Variants in RHOBTB1 observed in about 807,000 individuals in gnomAD.
RHOBTB1 encodes Rho related BTB domain containing 1, also known as rho-related BTB domain-containing protein 1.
Under a neutral mutation model 71.6 loss-of-function variants are expected in RHOBTB1, and 40 were observed. The observed-to-expected ratio is 0.56, with a 90% CI of 0.43 to 0.73. The LOEUF (loss-of-function observed/expected upper bound fraction) is 0.73. Ranked by LOEUF, RHOBTB1 falls within the 30% of genes least tolerant of loss-of-function variation. The pLI, the probability that RHOBTB1 is intolerant of heterozygous loss-of-function variation, is 0.00. For synonymous variants in RHOBTB1, 319 were observed against 334.9 expected, an observed-to-expected ratio of 0.95 and a Z score of 0.52; for missense variants, 797 against 894.0, an observed-to-expected ratio of 0.89 and a Z score of 1.38.
At chr10:60,874,170 A>G (rs1023278054) in intron 9 of RHOBTB1, among the ~76,000 whole-genome samples, 1 of 152,208 alleles carries the variant, frequency 6.6e-6, no homozygotes, top group Admixed American at 6.5e-5. Flanking sequence ...AGCCAAACCC[A>G]ACAGGCCGAA....
intron 2 of RHOBTB1, among the ~76,000 whole-genome samples, chr10:60,961,142 T>C (rs992489131): frequency 9.2e-5 from 14 of 152,120 alleles, no homozygotes; most frequent in African/African-American, 3.4e-4. Context: ...GTGACTTCAG[T>C]TGGTCTTCTG....
intron 7 of RHOBTB1, among the ~76,000 whole-genome samples, chr10:60,882,672 A>G (rs1289041986): frequency 6.6e-6 from 1 of 152,120 alleles, no homozygotes; most frequent in African/African-American, 2.4e-5. Flanking sequence ...GATAATAGAA[A>G]GTTAAAAGGT....
chr10:60,976,087 T>C (rs1382056074), intron 2 of RHOBTB1, among the ~76,000 whole-genome samples: 4 of 152,004 alleles, frequency 2.6e-5, no homozygotes, highest in African/African-American at 9.7e-5. Flanking sequence ...AGCTGCAATA[T>C]GGGTCAAATA....
At chr10:60,935,468 A>G (rs1038347066) in intron 2 of RHOBTB1, among the ~76,000 whole-genome samples, 3 of 152,140 alleles carry the variant, frequency 2.0e-5, no homozygotes, top group African/African-American at 7.2e-5. Context: ...AATATAAGAT[A>G]TACTTCAATA....
intron 2 of RHOBTB1, among the ~76,000 whole-genome samples, chr10:60,939,368 G>A (rs539870438): frequency 1.3e-5 from 2 of 152,198 alleles, no homozygotes; most frequent in African/African-American, 4.8e-5. Flanking sequence ...GAGGAAGTGG[G>A]TTCTATTTGT....
At chr10:60,887,722 C>T (rs1471118554) in intron 6 of RHOBTB1, among the ~76,000 whole-genome samples, 1 of 152,142 alleles carries the variant, frequency 6.6e-6, no homozygotes, top group Admixed American at 6.5e-5. Context: ...CTTTAGTGGC[C>T]TCAGGACTTG....
chr10:60,925,268 A>G (rs553349341), intron 2 of RHOBTB1, among the ~76,000 whole-genome samples: 2 of 152,338 alleles, frequency 1.3e-5, no homozygotes, highest in African/African-American at 4.8e-5. Context: ...TTCTTTATAA[A>G]TTATTCAGTC....
At chr10:60,978,100 A>T (rs1272099748) in intron 2 of RHOBTB1, among the ~76,000 whole-genome samples, 1 of 152,214 alleles carries the variant, frequency 6.6e-6, no homozygotes, top group African/African-American at 2.4e-5. Context: ...ATGAACATTA[A>T]ATTAATAATA....
chr10:60,931,621 A>T (rs60136964), intron 2 of RHOBTB1, among the ~76,000 whole-genome samples: 1,887 of 152,274 alleles, frequency 0.012, 43 homozygotes, highest in African/African-American at 0.043. Context: ...ATAACCCTTG[A>T]TTTTCACTTC....
chr10:60,944,570 C>G (rs1050241969), upstream of RHOBTB1, among the ~76,000 whole-genome samples: 1 of 152,208 alleles, frequency 6.6e-6, no homozygotes. Context: ...CCCCGTACCC[C>G]TGCCCCAACA....
chr10:60,893,234 T>C lies in RHOBTB1; in HGVS notation c.297-239A>G, dbSNP rs139978214. Among the ~76,000 whole-genome samples the C allele has an allele frequency of 2.9e-3, 440 of 152,312 alleles. 1 individual carries two copies. The highest frequency in any genetic ancestry group is 9.7e-3 in the African/African-American group (401 of 41,550). Reference sequence around the variant, plus strand: ...TATTGCACTGCAGAATGCTGATGCATTGACGTTTCCGATGAAGTTATTTTA... The same window carrying C: ...TATTGCACTGCAGAATGCTGATGCACTGACGTTTCCGATGAAGTTATTTTA... On this transcript the variant is annotated intron_variant, in intron 4 of 10. Transcript: ENST00000337910.
At chr10:60,961,550 A>T (rs1339380085) in intron 2 of RHOBTB1, among the ~76,000 whole-genome samples, 3 of 152,178 alleles carry the variant, frequency 2.0e-5, no homozygotes, top group Admixed American at 6.5e-5. Flanking sequence ...ACATGGATCT[A>T]GATTCAGAAT....
At position 60,897,719 on chromosome 10, in the gene RHOBTB1, T is replaced by G. The variant is rs548899632; in HGVS notation, c.297-4724A>C. ...ATTACATACATATACATATAATTTT[T>G]TTTTTGAGATGGAGTCTTGCTCTGT... On this transcript the variant is annotated intron_variant, in intron 4 of 10. Transcript: ENST00000337910. 3.9e-5 allele frequency among the ~76,000 whole-genome samples: 6 copies of G among 152,140 alleles called. No individual in the cohort carries two copies. In the South Asian group the frequency reaches 6.2e-4, roughly 16 times the overall value.
In RHOBTB1 at chr10:60,901,837, T is replaced by A. The variant is rs116045534; in HGVS notation, c.297-8842A>T. On this transcript the variant is annotated intron_variant, in intron 4 of 10. Transcript: ENST00000337910. Reference sequence around the variant, plus strand: ...TACTGAACAATGCATATATTCCTTATTCTCTTTGCCCATTGCAGTGGCCTC... The same window carrying A: ...TACTGAACAATGCATATATTCCTTAATCTCTTTGCCCATTGCAGTGGCCTC... 5.4e-3 allele frequency among the ~76,000 whole-genome samples: 821 copies of A among 152,370 alleles called. 6 individuals carry two copies. The highest frequency in any genetic ancestry group is 0.019 in the African/African-American group (796 of 41,594).
At chr10:60,885,450 C>T (rs780830869) in intron 7 of RHOBTB1, among the ~76,000 whole-genome samples, 4 of 152,148 alleles carry the variant, frequency 2.6e-5, no homozygotes, top group Non-Finnish European at 5.9e-5. Context: ...ACCTAAGTAC[C>T]TTGAGAGGTG....
In RHOBTB1 at chr10:60,987,919, C is replaced by CTTTTTTTTTTT. The variant is rs71018937; in HGVS notation, c.-162-1985_-162-1975dup. On this transcript the variant is annotated intron_variant, in intron 1 of 11. Coordinates refer to the RHOBTB1 transcript ENST00000357917. ...GCTGTCTGCTGTCTGAAATACTCAACTTTTTTTTTTTTTTTTTTTTTTTTT... is the reference window on the plus strand; with the variant it reads ...GCTGTCTGCTGTCTGAAATACTCAACTTTTTTTTTTTTTTTTTTTTTTTTTTTTTTTTTTTT... Among the ~76,000 whole-genome samples, 57 of 53,734 alleles carry CTTTTTTTTTTT rather than the reference C, an allele frequency of 1.1e-3. 6 individuals are homozygous for CTTTTTTTTTTT. Among genetic ancestry groups the CTTTTTTTTTTT allele is most frequent in the African/African-American group, 3.9e-3 (54 of 13,758 alleles). 35.3% of individuals were successfully genotyped at this position (53,734 alleles called of 152,430 possible).
At chr10:60,907,433 T>C (rs955359044) in intron 4 of RHOBTB1, among the ~76,000 whole-genome samples, 1 of 152,206 alleles carries the variant, frequency 6.6e-6, no homozygotes, top group Non-Finnish European at 1.5e-5. Context: ...TTACTATGTA[T>C]GGTTTTGTTC....
intron 1 of RHOBTB1, among the ~76,000 whole-genome samples, chr10:60,996,881 C>T (rs938183330): frequency 6.6e-6 from 1 of 152,150 alleles, no homozygotes; most frequent in Non-Finnish European, 1.5e-5. Context: ...GGATATTAAT[C>T]TTATCTCTCA....
chr10:60,863,932 TCGTA>T, the RHOBTB1 span, among the ~76,000 whole-genome samples: 1 of 151,406 alleles, frequency 6.6e-6, no homozygotes, highest in Non-Finnish European at 1.5e-5. Flanking sequence ...GCAGGACTCC[TCGTA>T]TGCTGCTGCA....
Sources: gnomAD v4.1 joint callset for allele counts (sites outside exome capture counted in the v4.1 genomes callset) on GRCh38, gnomAD v4.1.1 for gene constraint, MANE v1.5 for transcripts, NCBI Gene and HGNC (gene_info 2026-07-23, HGNC 2026-07-21) for gene names.